The following MET variants were observed in gnomAD, a reference collection of about 807,000 sequenced individuals.
MET encodes the protein hepatocyte growth factor receptor.
MET carries 48 observed loss-of-function variants against 133.1 expected under a neutral mutation model. That is an observed-to-expected ratio of 0.36 (90% CI 0.29 to 0.46). MET has a LOEUF of 0.46. MET is among the 20% of genes least tolerant of loss of function. The pLI, the probability that MET is intolerant of heterozygous loss-of-function variation, is 1.00. For missense variants in MET, 1,442 were observed against 1,695.9 expected, an observed-to-expected ratio of 0.85 and a Z score of 2.63; for synonymous variants, 628 against 616.5, an observed-to-expected ratio of 1.02 and a Z score of -0.28.
intron 11 of MET, among the ~76,000 whole-genome samples, chr7:116,767,296 T>G (rs374060469): frequency 1.3e-5 from 2 of 152,120 alleles, no homozygotes; most frequent in Non-Finnish European, 2.9e-5. Context: ...CTGGCCAGGG[T>G]TGGAGAGGAA....
At position 116,757,759 on chromosome 7, in the gene MET, C is replaced by T. The variant is rs750276956; in HGVS notation, c.2087C>T (p.Thr696Ile). The T allele has an allele frequency of 6.2e-7, 1 of 1,613,804 alleles. No homozygotes were observed. Among genetic ancestry groups the T allele is most frequent in the East Asian group, 2.2e-5 (1 of 44,846 alleles). ...AGACACATTTCAATTGGTGGAAAAA[C>T]ATGTACTTTAAAAAGGTGTTGTAAA... ...NSRHISIGGK[T>I]CTLKSVSNSI... is the part of the protein sequence containing the mutation. Residue 696 changes from threonine (T) to isoleucine (I), a missense_variant, in exon 8 of 21, where the codon ACA becomes ATA. Physicochemically the swap from Thr to Ile is moderately conservative, Grantham distance 89. This residue lies in a region of MET where 514 missense variants were observed against 659.6 expected (regional missense o/e 0.78). Transcript: ENST00000397752.
intron 19 of MET, among the ~76,000 whole-genome samples, chr7:116,792,505 G>C (rs371352675): frequency 1.7e-4 from 16 of 96,356 alleles, no homozygotes; most frequent in African/African-American, 7.0e-4. Context: ...ACACACACCA[G>C]CTTCTCTCTT....
chr7:116,754,105 A>C (rs1483548843), intron 5 of MET, among the ~76,000 whole-genome samples: 1 of 152,022 alleles, frequency 6.6e-6, no homozygotes, highest in African/African-American at 2.4e-5. Context: ...ACTGCACTGC[A>C]GACTGGGCAA....
chr7:116,730,541 G>A (rs772429193), intron 2 of MET, among the ~76,000 whole-genome samples: 13 of 152,174 alleles, frequency 8.5e-5, no homozygotes, highest in Admixed American at 2.6e-4. Flanking sequence ...AGAAGCCGCC[G>A]CAGTAGTCCA....
chr7:116,744,532 C>T (rs974464275), intron 5 of MET, among the ~76,000 whole-genome samples: 1 of 152,006 alleles, frequency 6.6e-6, no homozygotes, highest in Non-Finnish European at 1.5e-5. Context: ...AAGAAATATG[C>T]GACTATGTGA....
Position 116,757,549 on chromosome 7 carries a change from A to T in MET, c.1965+10A>T, listed in dbSNP as rs2116921585. The T allele has an allele frequency of 6.2e-7, 1 of 1,612,936 alleles. No individual in the cohort carries two copies. The highest frequency in any genetic ancestry group is 8.5e-7 in the Non-Finnish European group (1 of 1,179,032). ...TACATTCTCCTATGTGGTAAGGAAG[A>T]TTCTATCCTATCATGTTTGATTTTT... On this transcript the variant is annotated intron_variant, in intron 7 of 20. Coordinates refer to ENST00000397752, the MANE Select transcript of MET (RefSeq NM_000245.4).
chr7:116,724,329 G>A (rs1046230978), intron 2 of MET: 11 of 181,016 alleles, frequency 6.1e-5, no homozygotes, highest in South Asian at 2.3e-4. Context: ...GCTTCGGCTC[G>A]CGCACGGTGC....
At chr7:116,731,917 G>T (rs1793024398) in intron 3 of MET, 58 bp downstream of exon 3, 1 of 1,578,968 alleles carries the variant, frequency 6.3e-7, no homozygotes, top group African/African-American at 1.3e-5. Context: ...CAATTAATTT[G>T]TTTTCGTTTT....
chr7:116,714,843 A>G (rs564749735), intron 2 of MET, among the ~76,000 whole-genome samples: 1 of 151,954 alleles, frequency 6.6e-6, no homozygotes, highest in South Asian at 2.1e-4. Context: ...CCCAAAAAAC[A>G]TGTGCCAACC....
intron 2 of MET, among the ~76,000 whole-genome samples, chr7:116,707,516 A>T (rs1219300147): frequency 6.6e-6 from 1 of 152,188 alleles, no homozygotes; most frequent in Non-Finnish European, 1.5e-5. Flanking sequence ...CTCAAAATAT[A>T]TAGTTATTCA....
intron 14 of MET, among the ~76,000 whole-genome samples, chr7:116,773,931 C>T (rs1193890866): frequency 6.6e-6 from 1 of 152,168 alleles, no homozygotes; most frequent in Non-Finnish European, 1.5e-5. Flanking sequence ...ACAAATGATA[C>T]ATTTTGGTGC....
intron 2 of MET, among the ~76,000 whole-genome samples, chr7:116,710,906 T>C (rs1791971587): frequency 1.3e-5 from 2 of 152,222 alleles, no homozygotes; most frequent in African/African-American, 4.8e-5. Context: ...GTGTGATCTT[T>C]AGATATGAAA....
chr7:116,760,375 C>T (rs1794351513), intron 10 of MET, among the ~76,000 whole-genome samples: 1 of 152,122 alleles, frequency 6.6e-6, no homozygotes. Context: ...TTTGCTGTTT[C>T]TCCACCTATC....
intron 3 of MET, among the ~76,000 whole-genome samples, chr7:116,735,225 C>T (rs1395924398): frequency 1.3e-5 from 2 of 152,160 alleles, no homozygotes; most frequent in African/African-American, 2.4e-5. Context: ...ATGCCCCTTT[C>T]GCCTCTCCAA....
chr7:116,760,218 T>G (rs1395984612), intron 10 of MET, among the ~76,000 whole-genome samples: 1 of 152,192 alleles, frequency 6.6e-6, no homozygotes, highest in East Asian at 1.9e-4. Context: ...GCAGTATTCT[T>G]GCATTTCTAA....
rs1041349799 is a variant in MET at position 116,763,195 on chromosome 7, A to G, written c.2510A>G (p.His837Arg). The change falls in exon 11 of 21, where the codon CAT (histidine) becomes CGT (arginine). Residue 837 changes from histidine to arginine, a missense_variant. By Grantham distance (29) the His-to-Arg change is conservative (BLOSUM62 0). Coordinates refer to ENST00000397752, the MANE Select transcript of MET (RefSeq NM_000245.4). ...AAATACTTTGATCTCATTTATGTACATAATCCTGTGTTTAAGCCTTTTGAA... is the reference window on the plus strand; with the variant it reads ...AAATACTTTGATCTCATTTATGTACGTAATCCTGTGTTTAAGCCTTTTGAA... ...LSKYFDLIYV[H>R]NPVFKPFEKP... 3 of 1,614,056 alleles carry G rather than the reference A, an allele frequency of 1.9e-6. No individual in the cohort carries two copies. Among genetic ancestry groups the G allele is most frequent in the Non-Finnish European group, 2.5e-6 (3 of 1,179,982 alleles).
At chr7:116,718,531 G>A (rs531957623) in intron 2 of MET, among the ~76,000 whole-genome samples, 93 of 151,204 alleles carry the variant, frequency 6.2e-4, no homozygotes, top group African/African-American at 2.2e-3. Context: ...TAGGATACAT[G>A]TGCACATTGT....
rs745437003 is a variant in MET, at chr7:116,778,832, G to C, written c.3397G>C (p.Asp1133His). Residue 1133 changes from aspartate (D) to histidine (H), a missense_variant, in exon 17 of 21, where the codon GAT becomes CAT. Asp to His is a moderately conservative substitution (Grantham distance 81). Transcript: ENST00000397752. Reference protein sequence around the residue: ...QFLTEGIIMKDFSHPNVLSLL... With the variant: ...QFLTEGIIMKHFSHPNVLSLL... ...TCTGACCGAGGGAATCATCATGAAA[G>C]ATTTTAGTCATCCCAATGTCCTCTC... 2 of 1,613,954 alleles carry C rather than the reference G, an allele frequency of 1.2e-6. No individual in the cohort carries two copies. The highest frequency in any genetic ancestry group is 1.3e-5 in the African/African-American group (1 of 74,928).
chr7:116,779,138 G>A (rs551636614), intron 17 of MET, among the ~76,000 whole-genome samples, 181 bp downstream of exon 17: 3 of 152,274 alleles, frequency 2.0e-5, no homozygotes, highest in East Asian at 1.9e-4. Context: ...CACCTGGAAG[G>A]GTTTCCTGGA....
Sources: allele counts gnomAD v4.1 joint callset (sites outside exome capture counted in the v4.1 genomes callset), GRCh38; gene constraint gnomAD v4.1.1; regional missense constraint gnomAD v4.1.1; transcripts MANE v1.5; gene names NCBI Gene and HGNC (gene_info 2026-07-23, HGNC 2026-07-21).